Variants in SYNDIG1 observed in about 807,000 individuals in gnomAD.
SYNDIG1 encodes synapse differentiation inducing 1.
In SYNDIG1, 9 loss-of-function variants were observed where a neutral mutation model predicts 19.4. The ratio of observed to expected loss-of-function variants is 0.46; its 90% CI spans 0.28 to 0.81. SYNDIG1 has a LOEUF of 0.81. SYNDIG1 is among the 30% of genes least tolerant of loss of function. SYNDIG1 has a pLI of 0.12. For missense variants in SYNDIG1, 311 were observed against 343.3 expected (o/e 0.91, Z 0.74); for synonymous variants, 141 against 145.9 (o/e 0.97, Z 0.24).
At chr20:24,610,476 G>C (rs1164830919) in intron 3 of SYNDIG1, among the ~76,000 whole-genome samples, 2 of 152,204 alleles carry the variant, frequency 1.3e-5, no homozygotes, top group Non-Finnish European at 1.5e-5. Context: ...TAATCAGCCA[G>C]AATGAATGTA....
intron 3 of SYNDIG1, among the ~76,000 whole-genome samples, chr20:24,640,520 AG>A (rs2059365723): frequency 1.7e-5 from 2 of 115,820 alleles, no homozygotes; most frequent in Admixed American, 9.3e-5. Context: ...GAAGGAAGGA[AG>A]GAAGGAAGGA....
At chr20:24,625,991 G>A (rs1319895874) in intron 3 of SYNDIG1, among the ~76,000 whole-genome samples, 1 of 151,132 alleles carries the variant, frequency 6.6e-6, no homozygotes, top group East Asian at 2.0e-4. Flanking sequence ...CCAGGCGGGG[G>A]GCTGGCCCCC....
intron 1 of SYNDIG1, among the ~76,000 whole-genome samples, chr20:24,491,202 C>T (rs899075222): frequency 6.6e-6 from 1 of 152,236 alleles, no homozygotes; most frequent in African/African-American, 2.4e-5. Context: ...AGTGTGAGGT[C>T]AGCCGCGATC....
At chr20:24,517,685 TATATATATACAC>T (rs913859324) in intron 1 of SYNDIG1, among the ~76,000 whole-genome samples, 2 of 145,984 alleles carry the variant, frequency 1.4e-5, no homozygotes, top group East Asian at 2.0e-4. Context: ...TGTATATGTA[TATATATATACAC>T]ATATATATGT....
intron 3 of SYNDIG1, among the ~76,000 whole-genome samples, chr20:24,613,957 G>C (rs75133164): frequency 6.6e-6 from 1 of 152,190 alleles, no homozygotes; most frequent in African/African-American, 2.4e-5. Context: ...GCAGACCATG[G>C]AGAGCACTCT....
chr20:24,601,743 T>G (rs1396500738), intron 3 of SYNDIG1, among the ~76,000 whole-genome samples: 1 of 152,192 alleles, frequency 6.6e-6, no homozygotes, highest in Non-Finnish European at 1.5e-5. Context: ...TCCACTACTT[T>G]GCTCCTCATT....
intron 1 of SYNDIG1, among the ~76,000 whole-genome samples, chr20:24,524,950 TTTATTA>T (rs945659097): frequency 6.6e-6 from 1 of 152,156 alleles, no homozygotes; most frequent in South Asian, 2.1e-4. Context: ...ATTATTTGCC[TTTATTA>T]TTATTATTTT....
At chr20:24,550,990 C>G (rs1332869574) in intron 2 of SYNDIG1, among the ~76,000 whole-genome samples, 1 of 152,122 alleles carries the variant, frequency 6.6e-6, no homozygotes, top group Non-Finnish European at 1.5e-5. Flanking sequence ...GCCATCTTTT[C>G]TGGGCTCTAG....
chr20:24,500,384 A>G (rs1429467283), intron 1 of SYNDIG1, among the ~76,000 whole-genome samples: 1 of 152,172 alleles, frequency 6.6e-6, no homozygotes, highest in South Asian at 2.1e-4. Flanking sequence ...TCCTTTTTCC[A>G]TGAGTTTCCA....
At chr20:24,512,636 G>T (rs1297942379) in intron 1 of SYNDIG1, among the ~76,000 whole-genome samples, 2 of 152,114 alleles carry the variant, frequency 1.3e-5, no homozygotes, top group Non-Finnish European at 2.9e-5. Flanking sequence ...AAACAAAGCT[G>T]GGAAGCTCAA....
At chr20:24,664,764 C>T (rs187101310) in intron 3 of SYNDIG1, among the ~76,000 whole-genome samples, 1 of 152,258 alleles carries the variant, frequency 6.6e-6, no homozygotes, top group East Asian at 1.9e-4. Flanking sequence ...AAGTGAATGA[C>T]TCATGGCCAC....
chr20:24,575,156 C>A (rs2058207784), intron 2 of SYNDIG1, among the ~76,000 whole-genome samples: 1 of 152,204 alleles, frequency 6.6e-6, no homozygotes, highest in Admixed American at 6.5e-5. Flanking sequence ...GGACCCCATC[C>A]CTGCCTCAAA....
At chr20:24,496,039 G>T (rs1265956207) in intron 1 of SYNDIG1, among the ~76,000 whole-genome samples, 1 of 152,026 alleles carries the variant, frequency 6.6e-6, no homozygotes, top group East Asian at 1.9e-4. Context: ...TGGAGACAGG[G>T]TTTCACCATG....
At chr20:24,513,519 G>A (rs2056795425) in intron 1 of SYNDIG1, among the ~76,000 whole-genome samples, 1 of 152,182 alleles carries the variant, frequency 6.6e-6, no homozygotes, top group Non-Finnish European at 1.5e-5. Context: ...GGAAGGAAGG[G>A]TATCAGTGAT....
chr20:24,512,559 G>A (rs773802184), intron 1 of SYNDIG1, among the ~76,000 whole-genome samples: 63 of 152,054 alleles, frequency 4.1e-4, no homozygotes, highest in Non-Finnish European at 1.0e-4. Context: ...AGTAGTCTGA[G>A]ATCAAACTGC....
At chr20:24,591,888 G>A (rs2147077591) in intron 3 of SYNDIG1, among the ~76,000 whole-genome samples, 1 of 152,326 alleles carries the variant, frequency 6.6e-6, no homozygotes, top group Non-Finnish European at 1.5e-5. Context: ...CCAAGTGTTA[G>A]AGGAAATCAT....
intron 3 of SYNDIG1, among the ~76,000 whole-genome samples, chr20:24,655,601 C>T (rs927030522): frequency 1.3e-5 from 2 of 152,166 alleles, no homozygotes; most frequent in African/African-American, 2.4e-5. Flanking sequence ...AAAGACATTG[C>T]TGCTGGTGTT....
chr20:24,481,344 G>C (rs905149041), intron 1 of SYNDIG1, among the ~76,000 whole-genome samples: 1 of 152,172 alleles, frequency 6.6e-6, no homozygotes, highest in East Asian at 1.9e-4. Context: ...TCACATGGCT[G>C]GGGCTGGAGT....
At chr20:24,476,141 A>C (rs116530851) in intron 1 of SYNDIG1, among the ~76,000 whole-genome samples, 3,139 of 152,170 alleles carry the variant, frequency 0.021, 126 homozygotes, top group African/African-American at 0.071. Flanking sequence ...AATTACATGC[A>C]TGAGCCACTG....
Sources: allele counts gnomAD v4.1 joint callset (sites outside exome capture counted in the v4.1 genomes callset), GRCh38; gene constraint gnomAD v4.1.1; transcripts MANE v1.5; gene names NCBI Gene and HGNC (gene_info 2026-07-23, HGNC 2026-07-21).